DDX31: variants seen among roughly 807,000 people sequenced by gnomAD.
DDX31 encodes the protein DEAD-box helicase 31.
Under a neutral mutation model 91.3 loss-of-function variants are expected in DDX31, and 70 were observed. The observed-to-expected ratio is 0.77, with a 90% CI of 0.63 to 0.94. The LOEUF (loss-of-function observed/expected upper bound fraction) is 0.94, where lower values mean the gene tolerates loss of function less well. DDX31 is among the 40% of genes least tolerant of loss of function. The pLI, the probability that DDX31 is intolerant of heterozygous loss-of-function variation, is 0.00. For missense variants in DDX31, 902 were observed against 925.0 expected (o/e 0.98, Z 0.32); for synonymous variants, 362 against 350.6 (o/e 1.03, Z -0.36).
In DDX31 at chr9:132,650,224, C is replaced by T. The variant is rs1245609039; in HGVS notation, c.740+10G>A. ...AAGAAGGAAACAACAACCAACAAACCTCTTCCTACCTGGCCTTTTCTGATT... is the reference window on the plus strand; with the variant it reads ...AAGAAGGAAACAACAACCAACAAACTTCTTCCTACCTGGCCTTTTCTGATT... On this transcript the variant is annotated intron_variant, in intron 9 of 19. Coordinates refer to ENST00000372159, the MANE Select transcript of DDX31 (RefSeq NM_022779.9). The T allele has an allele frequency of 6.2e-7, 1 of 1,613,760 alleles. No homozygotes were observed. Among genetic ancestry groups the T allele is most frequent in the South Asian group, 1.1e-5 (1 of 91,060 alleles).
chr9:132,643,291 G>C (rs781068229), intron 13 of DDX31, among the ~76,000 whole-genome samples: 3 of 152,206 alleles, frequency 2.0e-5, no homozygotes, highest in African/African-American at 4.8e-5. Context: ...CGCATTCTGA[G>C]TGCTCTTCAG....
chr9:132,596,690 A>G (rs1223816546), intron 19 of DDX31, among the ~76,000 whole-genome samples: 1 of 152,242 alleles, frequency 6.6e-6, no homozygotes, highest in Non-Finnish European at 1.5e-5. Flanking sequence ...AGAAGCCAAG[A>G]GGCAAACTCA....
In DDX31 at chr9:132,654,490, G is replaced by A. The variant is rs568891579; in HGVS notation, c.589-1998C>T. On this transcript the variant is annotated intron_variant, in intron 6 of 19. Coordinates refer to ENST00000372159, the MANE Select transcript of DDX31 (RefSeq NM_022779.9). ...TAGCCAGGCGTGGTGGTGCATGCCTGTAATCCCAGCTACTCAGGAGGCTGA... is the reference window on the plus strand; with the variant it reads ...TAGCCAGGCGTGGTGGTGCATGCCTATAATCCCAGCTACTCAGGAGGCTGA... 2.6e-4 allele frequency among the ~76,000 whole-genome samples: 39 copies of A among 152,208 alleles called. 1 individual carries two copies. The highest frequency in any genetic ancestry group is 2.2e-3 in the Admixed American group (33 of 15,304).
chr9:132,639,269 C>T (rs1399076372), intron 14 of DDX31, among the ~76,000 whole-genome samples: 3 of 152,188 alleles, frequency 2.0e-5, no homozygotes, highest in South Asian at 2.1e-4. Context: ...GAACTTCCCA[C>T]GACTGGGAAC....
intron 12 of DDX31, 84 bp downstream of exon 12, chr9:132,646,739 C>G (rs1833862411): frequency 2.2e-6 from 3 of 1,370,898 alleles, no homozygotes; most frequent in Non-Finnish European, 3.1e-6. Context: ...TTTTTGGTGT[C>G]TCAACTCATT....
At chr9:132,636,816 C>T (rs1276233317) in intron 14 of DDX31, among the ~76,000 whole-genome samples, 3 of 152,194 alleles carry the variant, frequency 2.0e-5, no homozygotes, top group Non-Finnish European at 4.4e-5. Context: ...AAAGGCAAGT[C>T]CTAGTCTAGG....
chr9:132,648,559 A>G lies in DDX31; in HGVS notation c.741-8T>C. 6.2e-7 allele frequency: 1 copy of G among 1,601,900 alleles called. No homozygotes were observed. The highest frequency in any genetic ancestry group is 1.1e-5 in the South Asian group (1 of 88,750). Reference sequence around the variant, plus strand: ...TTTATTCCTTTGCGGAGTCTGTTTAAAATTATATATCATAAAAGAAAGTAA... The same window carrying G: ...TTTATTCCTTTGCGGAGTCTGTTTAGAATTATATATCATAAAAGAAAGTAA... On this transcript the variant is annotated splice_region_variant and splice_polypyrimidine_tract_variant and intron_variant, in intron 9 of 19. Coordinates refer to ENST00000372159, the MANE Select transcript of DDX31 (RefSeq NM_022779.9).
At chr9:132,634,590 T>TTTG (rs1832991007) in intron 14 of DDX31, among the ~76,000 whole-genome samples, 1 of 148,926 alleles carries the variant, frequency 6.7e-6, no homozygotes, top group Non-Finnish European at 1.5e-5. Flanking sequence ...AAGATGTTTT[T>TTTG]TTTTTTTTTT....
Position 132,595,026 on chromosome 9 carries a change from A to G in DDX31, c.2081T>C (p.Ile694Thr). 1.2e-6 allele frequency: 2 copies of G among 1,614,202 alleles called. No homozygotes were observed. The highest frequency in any genetic ancestry group is 1.7e-6 in the Non-Finnish European group (2 of 1,180,032). The change falls in exon 20 of 20, where the codon ATC becomes ACC. Residue 694 changes from isoleucine to threonine, a missense_variant. Coordinates refer to ENST00000372159, the MANE Select transcript of DDX31 (RefSeq NM_022779.9). This position sits in a 1 kb window ranked among gnomAD's most constrained non-coding sequence, Gnocchi z 4.6. ...TGCGTTTTGCTTTTTGACCTTGGCGATGTCGGCCTCCATGCCGCTTGAGTA... is the reference window on the plus strand; with the variant it reads ...TGCGTTTTGCTTTTTGACCTTGGCGGTGTCGGCCTCCATGCCGCTTGAGTA... ...SEYSSGMEAD[I>T]AKVKKQNAPG...
chr9:132,650,341 T>C, intron 8 of DDX31, 43 bp from the exon 9 acceptor site: 2 of 1,578,006 alleles, frequency 1.3e-6, no homozygotes, highest in Admixed American at 1.7e-5. Context: ...AAGCCCCCTT[T>C]ACTAACATCA....
intron 14 of DDX31, 53 bp from the exon 15 acceptor site, chr9:132,632,144 G>C: frequency 6.5e-7 from 1 of 1,550,090 alleles, no homozygotes; most frequent in Non-Finnish European, 8.8e-7. Context: ...ACCTTTCTGG[G>C]GTCCTGGATA....
chr9:132,643,464 G>C (rs539752390), intron 13 of DDX31, among the ~76,000 whole-genome samples: 13 of 152,354 alleles, frequency 8.5e-5, no homozygotes, highest in African/African-American at 2.9e-4. Flanking sequence ...CCTGTGCGTA[G>C]ATTTTGTCCA....
Position 132,661,455 on chromosome 9 carries a change from T to C in DDX31, c.409-204A>G, listed in dbSNP as rs552574155. Among the ~76,000 whole-genome samples, 8 of 152,088 alleles carry C rather than the reference T, an allele frequency of 5.3e-5. No homozygotes were observed. The East Asian group carries it at 1.5e-3, about 29-fold the overall frequency. On this transcript the variant is annotated intron_variant, in intron 3 of 19. Coordinates refer to ENST00000372159, the MANE Select transcript of DDX31 (RefSeq NM_022779.9). ...GACACAGGGCAAAGTCTGGAAAAAT[T>C]TGTGCTTGTTATAACCAGGGGAGGG... is the stretch of plus-strand genomic sequence containing the variant.
intron 6 of DDX31, among the ~76,000 whole-genome samples, chr9:132,656,510 C>A (rs746174000): frequency 6.6e-6 from 1 of 152,006 alleles, no homozygotes; most frequent in Non-Finnish European, 1.5e-5. Context: ...CAACACTGCA[C>A]ATGCATTAGC....
intron 19 of DDX31, among the ~76,000 whole-genome samples, chr9:132,608,183 A>G (rs561312556): frequency 6.6e-6 from 1 of 152,206 alleles, no homozygotes; most frequent in African/African-American, 2.4e-5. Context: ...GCCATTCAAT[A>G]TTTTACCGAC....
At position 132,606,502 on chromosome 9, in the gene DDX31, T is replaced by C. The variant is rs144998333; in HGVS notation, c.1994+5585A>G. On this transcript the variant is annotated intron_variant, in intron 19 of 19. Coordinates refer to ENST00000372159, the MANE Select transcript of DDX31 (RefSeq NM_022779.9). ...GTTCCGCGGGTACTCGCGACAATGA[T>C]GGAGGCTGGGGGAAGAAGCAATGCG... Among the ~76,000 whole-genome samples the C allele has an allele frequency of 5.1e-4, 78 of 152,316 alleles. No individual in the cohort carries two copies. The East Asian group carries it at 0.015, about 29-fold the overall frequency.
chr9:132,632,027 A>C lies in DDX31; in HGVS notation c.1491+14T>G. On this transcript the variant is annotated intron_variant, in intron 15 of 19. Transcript: ENST00000372159. ...TCCTGCCTAAAGCTTACACCTTAAC[A>C]ACTAAAAAATTACCTGAACAATCCA... The C allele has an allele frequency of 1.9e-6, 3 of 1,611,938 alleles. No individual in the cohort carries two copies. Among genetic ancestry groups the C allele is most frequent in the Non-Finnish European group, 1.7e-6 (2 of 1,178,692 alleles).
At chr9:132,661,173 T>C in intron 4 of DDX31, 35 bp downstream of exon 4, 1 of 1,592,934 alleles carries the variant, frequency 6.3e-7, no homozygotes, top group African/African-American at 1.3e-5. Flanking sequence ...ACCCACGTAA[T>C]GCCTAAGAAA....
intron 3 of DDX31, among the ~76,000 whole-genome samples, chr9:132,662,022 C>G (rs1383357629): frequency 6.6e-6 from 1 of 151,990 alleles, no homozygotes; most frequent in African/African-American, 2.4e-5. Context: ...AAAACACACA[C>G]ACAAAAACAC....
Sources: gnomAD v4.1 joint callset for allele counts (sites outside exome capture counted in the v4.1 genomes callset) on GRCh38, gnomAD v4.1.1 for gene constraint, Gnocchi (gnomAD v3.1) non-coding constraint, MANE v1.5 for transcripts, NCBI Gene and HGNC (gene_info 2026-07-23, HGNC 2026-07-21) for gene names.